The following ARID3A variants were observed in gnomAD, a reference collection of about 807,000 sequenced individuals.
The protein encoded by ARID3A is AT-rich interactive domain-containing protein 3A.
A neutral mutation model predicts 52.7 loss-of-function variants in ARID3A; 11 were observed. The observed-to-expected ratio is 0.21, with a 90% confidence interval of 0.13 to 0.35. The LOEUF (loss-of-function observed/expected upper bound fraction) is 0.35. Ranked by LOEUF, ARID3A falls within the 10% of genes least tolerant of loss-of-function variation. ARID3A has a pLI of 1.00. For missense variants in ARID3A, 721 were observed against 838.5 expected, an observed-to-expected ratio of 0.86 and a Z score of 1.73; for synonymous variants, 404 against 359.4, an observed-to-expected ratio of 1.12 and a Z score of -1.40.
intron 3 of ARID3A, among the ~76,000 whole-genome samples, chr19:948,864 C>G (rs770554939): frequency 1.3e-5 from 2 of 152,064 alleles, no homozygotes; most frequent in Non-Finnish European, 2.9e-5. Context: ...CGTGCGCCAC[C>G]ACGCCCGGCT....
At chr19:928,268 G>T (rs1344864320) in intron 1 of ARID3A, 3 of 152,204 alleles carry the variant, frequency 2.0e-5, no homozygotes, top group Non-Finnish European at 2.9e-5. Context: ...GTTGGGTTCT[G>T]CCCGGCCTGT....
chr19:963,187 C>T (rs141484390), intron 4 of ARID3A, among the ~76,000 whole-genome samples: 40 of 152,308 alleles, frequency 2.6e-4, no homozygotes, highest in African/African-American at 9.4e-4. Flanking sequence ...CCCAGAACCT[C>T]GATGTCCACG....
In ARID3A at chr19:943,021, C is replaced by T. The variant is rs118051607; in HGVS notation, c.693+10279C>T. ...GGGGAGGTCACACCTGTGATCCCCGCGCTTTGGAAGGCCAAGACGGGAGTT... is the reference window on the plus strand; with the variant it reads ...GGGGAGGTCACACCTGTGATCCCCGTGCTTTGGAAGGCCAAGACGGGAGTT... On this transcript the variant is annotated intron_variant, in intron 3 of 8. Transcript: ENST00000263620. Among the ~76,000 whole-genome samples the T allele has an allele frequency of 4.6e-3, 697 of 152,240 alleles. 19 individuals carry two copies. The highest frequency in any genetic ancestry group is 0.042 in the East Asian group (218 of 5,178).
At chr19:936,715 G>A (rs955875534) in intron 3 of ARID3A, among the ~76,000 whole-genome samples, 2 of 151,700 alleles carry the variant, frequency 1.3e-5, no homozygotes, top group Non-Finnish European at 2.9e-5. Context: ...GGCAGCACGC[G>A]CCTGTAGTCC....
chr19:952,999 ACCCTCTTCTGTCCTGGCCAACCCTTT>A (rs2037834801), intron 3 of ARID3A, among the ~76,000 whole-genome samples: 1 of 152,120 alleles, frequency 6.6e-6, no homozygotes, highest in African/African-American at 2.4e-5. Context: ...GGCCCCGGCC[ACCCTCTTCTGTCCTGGCCAACCCTTT>A]CCTTGGATTT....
intron 3 of ARID3A, among the ~76,000 whole-genome samples, chr19:934,179 C>G (rs1038270623): frequency 6.6e-6 from 1 of 152,212 alleles, no homozygotes; most frequent in Admixed American, 6.5e-5. Context: ...CCTCCATCCC[C>G]GCAGGGTTAT....
chr19:934,756 C>T (rs925516616), intron 3 of ARID3A, among the ~76,000 whole-genome samples: 5 of 152,004 alleles, frequency 3.3e-5, no homozygotes, highest in Admixed American at 6.6e-5. Flanking sequence ...TGGGGGGAGG[C>T]CCCCGCCCTG....
chr19:964,951 T>C lies in ARID3A; in HGVS notation c.1069T>C (p.Ser357Pro). 8 of 1,613,890 alleles carry C rather than the reference T, an allele frequency of 5.0e-6. No homozygotes were observed. The highest frequency in any genetic ancestry group is 6.8e-6 in the Non-Finnish European group (8 of 1,180,010). Residue 357 changes from serine (S) to proline (P), a missense_variant, in exon 6 of 9, where the codon TCC (serine) becomes CCC (proline). Transcript: ENST00000263620. This position sits in a 1 kb window ranked among gnomAD's most constrained non-coding sequence, Gnocchi z 5.7. ...REGRRQSFGG[S>P]LFAYSPGGAH... ...GGGCCGGCGCCAGAGCTTTGGTGGC[T>C]CCCTCTTTGCCTACTCGCCAGGCGG...
rs917202278 is a variant in ARID3A at position 938,134 on chromosome 19, G to A, written c.693+5392G>A. ...GCTGGGATCACAGACGTGAGCCACC[G>A]CGCCCGGCCTGTTGTCGACTTTTGA... On this transcript the variant is annotated intron_variant, in intron 3 of 8. Transcript: ENST00000263620. This position sits in a 1 kb window ranked among gnomAD's most constrained non-coding sequence, Gnocchi z 4.0. 8.6e-5 allele frequency among the ~76,000 whole-genome samples: 13 copies of A among 152,036 alleles called. No homozygotes were observed. The highest frequency in any genetic ancestry group is 2.7e-4 in the African/African-American group (11 of 41,328).
chr19:948,368 A>G (rs879406043), intron 3 of ARID3A, among the ~76,000 whole-genome samples: 3 of 152,066 alleles, frequency 2.0e-5, no homozygotes, highest in African/African-American at 7.2e-5. Flanking sequence ...TGCCTCTGTC[A>G]GTCCTGGGAG....
In ARID3A at chr19:960,628, C is replaced by T. The variant is rs551220060; in HGVS notation, c.766+464C>T. 1.3e-5 allele frequency among the ~76,000 whole-genome samples: 2 copies of T among 152,150 alleles called. No homozygotes were observed. The highest frequency in any genetic ancestry group is 1.9e-4 in the East Asian group (1 of 5,180). ...GGCTTAGAGTCTAATGATCTCATGG[C>T]GGCCAATGCGACATTTGAGTCCTGG... On this transcript the variant is annotated intron_variant, in intron 4 of 8. Coordinates refer to ENST00000263620, the MANE Select transcript of ARID3A (RefSeq NM_005224.3). The surrounding 1 kb of genome is among the most constrained non-coding windows in gnomAD (Gnocchi z 4.3).
Position 929,753 on chromosome 19 carries a change from A to T in ARID3A, c.225A>T (p.Pro75=), listed in dbSNP as rs1799595. ...MRAAAAGLGH[P]ASPGGSEDGP... Reference sequence around the variant, plus strand: ...CTGCAGCTGCGGGCCTGGGACACCCAGCCAGCCCCGGCGGCTCTGAGGATG... The same window carrying T: ...CTGCAGCTGCGGGCCTGGGACACCCTGCCAGCCCCGGCGGCTCTGAGGATG... Residue 75 remains proline, a synonymous_variant, in exon 2 of 9, where the codon CCA becomes CCT. Transcript: ENST00000263620. The surrounding 1 kb of genome is among the most constrained non-coding windows in gnomAD (Gnocchi z 6.2). The T allele has an allele frequency of 6.4e-7, 1 of 1,555,198 alleles. No individual in the cohort carries two copies. Among genetic ancestry groups the T allele is most frequent in the Non-Finnish European group, 8.6e-7 (1 of 1,157,210 alleles).
In ARID3A at chr19:947,046, C is replaced by T. The variant is rs189027259; in HGVS notation, c.694-13046C>T. 4.6e-5 allele frequency among the ~76,000 whole-genome samples: 7 copies of T among 151,984 alleles called. No homozygotes were observed. The highest frequency in any genetic ancestry group is 1.7e-4 in the African/African-American group (7 of 41,424). On this transcript the variant is annotated intron_variant, in intron 3 of 8. Transcript: ENST00000263620. This position sits in a 1 kb window ranked among gnomAD's most constrained non-coding sequence, Gnocchi z 6.3. ...CTGGGCTCGAGCAGTCTGCCCACCT[C>T]GGCCTCCCACAGTGCTGGGATCAAA... is the stretch of plus-strand genomic sequence containing the variant.
intron 8 of ARID3A, among the ~76,000 whole-genome samples, chr19:971,512 G>A (rs144580244): frequency 5.6e-4 from 86 of 152,236 alleles, no homozygotes; most frequent in African/African-American, 1.9e-3. Context: ...TACTCAGGAG[G>A]GTGAGACAGG....
intron 1 of ARID3A, among the ~76,000 whole-genome samples, chr19:926,755 G>GC (rs888395053): frequency 2.0e-5 from 3 of 151,514 alleles, no homozygotes; most frequent in African/African-American, 7.3e-5. Context: ...CCGTTTCAGG[G>GC]CCCCCCAGAC....
chr19:957,498 G>A (rs879256774), intron 3 of ARID3A, among the ~76,000 whole-genome samples: 3 of 152,198 alleles, frequency 2.0e-5, no homozygotes, highest in Non-Finnish European at 2.9e-5. Flanking sequence ...TTTTTGCAGC[G>A]ATTTGCTGTG....
chr19:929,616 G>C lies in ARID3A; in HGVS notation c.88G>C (p.Asp30His), dbSNP rs3746143. 4 of 1,524,666 alleles carry C rather than the reference G, an allele frequency of 2.6e-6. No homozygotes were observed. The South Asian group carries it at 4.8e-5, about 18-fold the overall frequency. The allele number at this position is 1,524,666 out of a possible 1,614,324, so 94.4% of individuals were successfully genotyped here. A position where few individuals can be genotyped will look rare whatever the true frequency, so the allele number is the denominator to read the frequency against. ...ELEARQQLPP[D>H]PPAAPPGRAR... ...GGAGGCCCGGCAGCAGCTGCCCCCC[G>C]ATCCCCCTGCTGCACCCCCCGGCCG... The change falls in exon 2 of 9, where the codon GAT (aspartate) becomes CAT (histidine). Residue 30 changes from aspartate to histidine, a missense_variant. Physicochemically the swap from Asp to His is moderately conservative, Grantham distance 81. Around this residue, in one of 5 missense-constraint regions of ARID3A, gnomAD observed 349 missense variants for 297.3 expected, o/e 1.17. Coordinates refer to ENST00000263620, the MANE Select transcript of ARID3A (RefSeq NM_005224.3). This position sits in a 1 kb window ranked among gnomAD's most constrained non-coding sequence, Gnocchi z 6.2.
At chr19:949,676 C>CTTTTT (rs71335322) in intron 3 of ARID3A, among the ~76,000 whole-genome samples, 10 of 123,796 alleles carry the variant, frequency 8.1e-5, no homozygotes, top group Admixed American at 3.4e-4. Context: ...CTGATTCTGT[C>CTTTTT]TTTTTTTTTT....
chr19:953,475 A>AC (rs3837991), intron 3 of ARID3A, among the ~76,000 whole-genome samples: 8,671 of 128,316 alleles, frequency 0.068, 251 homozygotes, highest in Middle Eastern at 0.13. Flanking sequence ...GGCCTCCCAC[A>AC]CCCCCCCCCG....
Sources: gnomAD v4.1 joint callset for allele counts (sites outside exome capture counted in the v4.1 genomes callset) on GRCh38, gnomAD v4.1.1 for gene constraint, gnomAD v4.1.1 regional missense constraint, Gnocchi (gnomAD v3.1) non-coding constraint, MANE v1.5 for transcripts, NCBI Gene and HGNC (gene_info 2026-07-23, HGNC 2026-07-21) for gene names.